The following RPL26L1 variants were observed in gnomAD, a reference collection of about 807,000 sequenced individuals.
RPL26L1 encodes ribosomal protein uL24-like.
Under a neutral mutation model 15.2 loss-of-function variants are expected in RPL26L1, and 8 were observed. The ratio of observed to expected loss-of-function variants is 0.53; its 90% confidence interval spans 0.31 to 0.95. The LOEUF (loss-of-function observed/expected upper bound fraction) is 0.95. Ranked by LOEUF, RPL26L1 falls within the 40% of genes least tolerant of loss-of-function variation. The probability of loss-of-function intolerance (pLI) is 0.05; values close to 1 mark genes in which losing one functional copy is unlikely to be tolerated. For missense variants in RPL26L1, 146 were observed against 190.9 expected (o/e 0.76, Z 1.39); for synonymous variants, 51 against 65.9 (o/e 0.77, Z 1.09).
At position 172,968,507 on chromosome 5, in the gene RPL26L1, G is replaced by A. The variant is rs1201373140; in HGVS notation, c.217G>A (p.Val73Met). 4.3e-6 allele frequency: 7 copies of A among 1,614,028 alleles called. No individual in the cohort carries two copies. The African/African-American group carries it at 6.7e-5, about 15-fold the overall frequency. ...TCAGCAAATTGGCAAGGTAGTCCAG[G>A]TGTACAGAAAGAAATATGTCATCTA... ...KGQQIGKVVQVYRKKYVIYIE... is the reference protein window; with the variant it reads ...KGQQIGKVVQMYRKKYVIYIE... Residue 73 changes from valine to methionine, a missense_variant, in exon 3 of 4, where the codon GTG (valine) becomes ATG (methionine). By Grantham distance (21) the Val-to-Met change is conservative (BLOSUM62 1). Transcript: ENST00000265100.
At chr5:172,963,654 C>G (rs559591210) in intron 2 of RPL26L1, among the ~76,000 whole-genome samples, 1 of 152,308 alleles carries the variant, frequency 6.6e-6, no homozygotes, top group East Asian at 1.9e-4. Context: ...GATCCTTTAA[C>G]CAATATTATA....
intron 2 of RPL26L1, among the ~76,000 whole-genome samples, chr5:172,961,718 C>T (rs907182465): frequency 1.3e-5 from 2 of 152,206 alleles, no homozygotes; most frequent in Non-Finnish European, 2.9e-5. Context: ...GTGTTCTCTA[C>T]GTAGGTAAAG....
At chr5:172,954,192 G>C (rs1181244736), upstream of RPL26L1, among the ~76,000 whole-genome samples, 5 of 152,304 alleles carry the variant, frequency 3.3e-5, no homozygotes, top group African/African-American at 9.6e-5. Context: ...TAAGTTGAAT[G>C]CTTTAGAGAG....
intron 2 of RPL26L1, among the ~76,000 whole-genome samples, chr5:172,960,749 CAG>C (rs113935240): frequency 0.12 from 17,677 of 151,906 alleles, 2,420 homozygotes; most frequent in African/African-American, 0.33. Context: ...GTGAAATAAG[CAG>C]GGGCTAGATT....
upstream of RPL26L1, chr5:172,957,667 C>T (rs969490639): frequency 1.8e-5 from 4 of 219,366 alleles, no homozygotes; most frequent in African/African-American, 9.4e-5. Flanking sequence ...TGGGGCAGGG[C>T]ATGGGTTTGA....
intron 2 of RPL26L1, among the ~76,000 whole-genome samples, chr5:172,965,727 T>C (rs1382076649): frequency 6.6e-6 from 1 of 152,178 alleles, no homozygotes; most frequent in African/African-American, 2.4e-5. Flanking sequence ...AAATGCTGGC[T>C]TTTCTCACAT....
chr5:172,957,123 A>G (rs1318819507), upstream of RPL26L1: 1 of 453,236 alleles, frequency 2.2e-6, no homozygotes, highest in South Asian at 1.6e-5. Context: ...TTCCCCATGC[A>G]GCCACTGCCT....
chr5:172,956,900 T>C (rs1249173421), upstream of RPL26L1: 1 of 225,624 alleles, frequency 4.4e-6, no homozygotes, highest in Admixed American at 5.4e-5. Flanking sequence ...ACTGCACCAC[T>C]GCACTCCAGC....
At chr5:172,964,616 G>A (rs1358505482) in intron 2 of RPL26L1, among the ~76,000 whole-genome samples, 9 of 152,174 alleles carry the variant, frequency 5.9e-5, no homozygotes, top group Admixed American at 2.6e-4. Context: ...TGCCTAAGAG[G>A]TATGAATTGT....
Position 172,969,698 on chromosome 5 carries a change from A to G in RPL26L1, c.*157A>G. On this transcript the variant is annotated 3_prime_UTR_variant, in exon 4 of 4. Coordinates refer to ENST00000265100, the MANE Select transcript of RPL26L1 (RefSeq NM_016093.4). ...GCAATTTTAAGTAATAATTTTATGAATAAAAATGGGAAATGCTTCCTAATT... is the reference window on the plus strand; with the variant it reads ...GCAATTTTAAGTAATAATTTTATGAGTAAAAATGGGAAATGCTTCCTAATT... 1 of 648,390 alleles carries G rather than the reference A, an allele frequency of 1.5e-6. No individual in the cohort carries two copies. Among genetic ancestry groups the G allele is most frequent in the South Asian group, 2.3e-5 (1 of 42,832 alleles). 40.2% of individuals were successfully genotyped at this position (648,390 alleles called of 1,614,324 possible). A position where few individuals can be genotyped will look rare whatever the true frequency, so the allele number is the denominator to read the frequency against.
At chr5:172,960,165 G>A (rs910535752) in intron 2 of RPL26L1, 124 bp downstream of exon 2, 31 of 1,162,564 alleles carry the variant, frequency 2.7e-5, no homozygotes, top group Middle Eastern at 3.8e-4. Context: ...AGATGTGTTA[G>A]GCCAGAGATA....
At chr5:172,956,677 T>A (rs1754987031), upstream of RPL26L1, among the ~76,000 whole-genome samples, 1 of 152,046 alleles carries the variant, frequency 6.6e-6, no homozygotes, top group Non-Finnish European at 1.5e-5. Context: ...GTGGCTCACA[T>A]CTGTAATCCC....
At chr5:172,954,229 T>A (rs1764301822), upstream of RPL26L1, among the ~76,000 whole-genome samples, 1 of 152,170 alleles carries the variant, frequency 6.6e-6, no homozygotes, top group South Asian at 2.1e-4. Context: ...TTGTTACCCC[T>A]CCCAACTCAA....
At chr5:172,959,279 C>A, upstream of RPL26L1, 1 of 702,624 alleles carries the variant, frequency 1.4e-6, no homozygotes, top group Non-Finnish European at 1.8e-6. Context: ...CAAGCAGGCC[C>A]TTGTACTCAC....
Position 172,959,456 on chromosome 5 carries a change from A to T in RPL26L1, c.-22A>T. On this transcript the variant is annotated 5_prime_UTR_variant, in exon 1 of 4. Coordinates refer to ENST00000265100, the MANE Select transcript of RPL26L1 (RefSeq NM_016093.4). Reference sequence around the variant, plus strand: ...GCCCTGCGCACTCAGGGTCTGAGGCAGCTAGTAGCCGGGTGAGTGGAGGCT... The same window carrying T: ...GCCCTGCGCACTCAGGGTCTGAGGCTGCTAGTAGCCGGGTGAGTGGAGGCT... 2.6e-5 allele frequency: 26 copies of T among 1,014,912 alleles called. 1 individual carries two copies. Among genetic ancestry groups the T allele is most frequent in the Non-Finnish European group, 3.0e-5 (25 of 844,608 alleles). The allele number at this position is 1,014,912 out of a possible 1,614,324, so 62.9% of individuals were successfully genotyped here.
chr5:172,968,837 C>T lies in RPL26L1; in HGVS notation c.309+238C>T, dbSNP rs1755576583. 2.0e-5 allele frequency among the ~76,000 whole-genome samples: 2 copies of T among 100,820 alleles called. 1 individual carries two copies. Among genetic ancestry groups the T allele is most frequent in the South Asian group, 7.9e-4 (2 of 2,518 alleles). The allele number at this position is 100,820 out of a possible 152,430, so 66.1% of individuals were successfully genotyped here. On this transcript the variant is annotated intron_variant, in intron 3 of 3. Transcript: ENST00000265100. ...TTTTTTTTTTTTTTTGAGACGGATG[C>T]TCGCTCTGTCACCAGGCTGGAGTGC...
chr5:172,960,087 A>G (rs1487338577), intron 2 of RPL26L1, 46 bp downstream of exon 2: 2 of 1,608,170 alleles, frequency 1.2e-6, no homozygotes, highest in East Asian at 2.2e-5. Context: ...CCGTTGCCTA[A>G]GAACGTCATG....
upstream of RPL26L1, chr5:172,958,716 T>G (rs997903834): frequency 5.9e-5 from 15 of 252,942 alleles, no homozygotes; most frequent in African/African-American, 3.3e-4. Flanking sequence ...CTCCAGGCAG[T>G]CTTCCAGGGG....
At chr5:172,958,082 T>G, upstream of RPL26L1, 1 of 286,540 alleles carries the variant, frequency 3.5e-6, no homozygotes, top group South Asian at 3.0e-5. Flanking sequence ...CTGACCAACA[T>G]GGAGAAACCC....
Sources: allele counts gnomAD v4.1 joint callset (sites outside exome capture counted in the v4.1 genomes callset), GRCh38; gene constraint gnomAD v4.1.1; transcripts MANE v1.5; gene names NCBI Gene and HGNC (gene_info 2026-07-23, HGNC 2026-07-21).